The following LEKR1 variants were observed in gnomAD, a reference collection of about 807,000 sequenced individuals.
LEKR1 encodes the protein leucine, glutamate and lysine rich 1.
Under a neutral mutation model 72.4 loss-of-function variants are expected in LEKR1, and 59 were observed. The ratio of observed to expected loss-of-function variants is 0.82; its 90% CI spans 0.66 to 1.01. LEKR1 has a LOEUF of 1.01. Among genes scored for constraint, LEKR1 ranks in the 50% least tolerant of loss-of-function variants. The pLI is 0.00. For missense variants in LEKR1, 728 were observed against 759.2 expected (o/e 0.96, Z 0.48); for synonymous variants, 257 against 263.2 (o/e 0.98, Z 0.23).
At chr3:156,879,920 AG>A (rs776006900) in intron 3 of LEKR1, among the ~76,000 whole-genome samples, 17 of 152,362 alleles carry the variant, frequency 1.1e-4, no homozygotes, top group Admixed American at 8.5e-4. Flanking sequence ...TAGATTTCAG[AG>A]GATGTATAGA....
At chr3:156,924,476 T>C in intron 4 of LEKR1, 1 of 653,558 alleles carries the variant, frequency 1.5e-6, no homozygotes. Flanking sequence ...TAATGAAATA[T>C]AATTTATCTG....
chr3:156,864,047 A>G (rs775122040), intron 3 of LEKR1, among the ~76,000 whole-genome samples: 6 of 152,172 alleles, frequency 3.9e-5, no homozygotes, highest in African/African-American at 7.2e-5. Flanking sequence ...ATGTAGTGAG[A>G]TGGAAAATTA....
intron 12 of LEKR1, among the ~76,000 whole-genome samples, chr3:157,042,584 G>C (rs1167819494): frequency 4.6e-5 from 7 of 152,188 alleles, no homozygotes; most frequent in Admixed American, 4.6e-4. Context: ...TCACTTGCCT[G>C]AAATAGCTTT....
rs190477857 is a variant in LEKR1 at position 156,893,083 on chromosome 3, G to T, written c.264-27492G>T. Among the ~76,000 whole-genome samples the T allele has an allele frequency of 3.5e-4, 54 of 152,332 alleles. 1 individual carries two copies. The South Asian group carries it at 4.6e-3, about 13-fold the overall frequency. Reference sequence around the variant, plus strand: ...CTGGAATTCTGATTATGCCTTGGCTGTCAAGGGAGGCTTCAGGTTCTGTAT... The same window carrying T: ...CTGGAATTCTGATTATGCCTTGGCTTTCAAGGGAGGCTTCAGGTTCTGTAT... On this transcript the variant is annotated intron_variant, in intron 3 of 12. Coordinates refer to ENST00000356539, the MANE Select transcript of LEKR1 (RefSeq NM_001004316.3).
At chr3:156,867,060 T>C (rs1209646316) in intron 3 of LEKR1, among the ~76,000 whole-genome samples, 1 of 152,076 alleles carries the variant, frequency 6.6e-6, no homozygotes, top group Non-Finnish European at 1.5e-5. Context: ...ACATAAACAT[T>C]TGGGTCAATA....
At chr3:156,928,959 A>C (rs900418674) in intron 5 of LEKR1, among the ~76,000 whole-genome samples, 4 of 152,112 alleles carry the variant, frequency 2.6e-5, no homozygotes, top group African/African-American at 4.8e-5. Flanking sequence ...AATTACTCAT[A>C]TCCAAAAGAA....
At chr3:156,993,307 C>T (rs370022183) in intron 9 of LEKR1, 30 bp downstream of exon 9, 25 of 1,432,942 alleles carry the variant, frequency 1.7e-5, no homozygotes, top group South Asian at 1.7e-4. Context: ...CTTACAAAAA[C>T]ATTTTATGTT....
At chr3:157,026,199 T>C (rs1334986403) in intron 11 of LEKR1, among the ~76,000 whole-genome samples, 2 of 152,164 alleles carry the variant, frequency 1.3e-5, no homozygotes, top group Non-Finnish European at 2.9e-5. Context: ...ACCTCTTGCT[T>C]CCTGGCTCCT....
intron 9 of LEKR1, among the ~76,000 whole-genome samples, chr3:156,999,096 G>A (rs1731816350): frequency 6.6e-6 from 1 of 152,152 alleles, no homozygotes; most frequent in Non-Finnish European, 1.5e-5. Context: ...GCCCTGTGAA[G>A]AAGGTGTCTG....
chr3:156,952,196 G>C (rs747976312), intron 6 of LEKR1, among the ~76,000 whole-genome samples: 1 of 151,294 alleles, frequency 6.6e-6, no homozygotes, highest in Non-Finnish European at 1.5e-5. Flanking sequence ...TTTTCCTCTC[G>C]ACCTGGAATA....
intron 7 of LEKR1, among the ~76,000 whole-genome samples, chr3:156,980,506 C>T (rs937129913): frequency 3.3e-5 from 5 of 151,984 alleles, no homozygotes; most frequent in African/African-American, 7.2e-5. Flanking sequence ...CCCCTAGGCC[C>T]AGGAAGTAAC....
intron 12 of LEKR1, among the ~76,000 whole-genome samples, chr3:157,039,678 C>G (rs977772701): frequency 1.3e-5 from 2 of 152,114 alleles, no homozygotes; most frequent in African/African-American, 4.8e-5. Flanking sequence ...CATGTAAACT[C>G]TAAGATTAAA....
intron 6 of LEKR1, among the ~76,000 whole-genome samples, chr3:156,954,851 T>C (rs1277328080): frequency 1.3e-5 from 2 of 152,020 alleles, no homozygotes; most frequent in South Asian, 2.1e-4. Context: ...CTCTTTTAGG[T>C]TCCATATGAA....
chr3:157,013,609 G>T (rs1334142337), intron 10 of LEKR1, among the ~76,000 whole-genome samples: 1 of 151,998 alleles, frequency 6.6e-6, no homozygotes, highest in Non-Finnish European at 1.5e-5. Context: ...TTCGTTGAAA[G>T]GGCACGACTT....
chr3:157,043,607 A>C (rs1735529447), intron 12 of LEKR1, among the ~76,000 whole-genome samples: 4 of 152,246 alleles, frequency 2.6e-5, no homozygotes, highest in Admixed American at 2.6e-4. Flanking sequence ...AGCAAGTTAC[A>C]TAACAGTGTG....
intron 9 of LEKR1, 22 bp downstream of exon 9, chr3:156,993,299 T>C: frequency 6.8e-7 from 1 of 1,480,364 alleles, no homozygotes; most frequent in Non-Finnish European, 9.2e-7. Context: ...AATAATTTCT[T>C]ACAAAAACAT....
chr3:156,851,747 G>A (rs1470619194), intron 2 of LEKR1, among the ~76,000 whole-genome samples: 1 of 151,894 alleles, frequency 6.6e-6, no homozygotes, highest in African/African-American at 2.4e-5. Flanking sequence ...ATTACTATTA[G>A]TTACAGCAAC....
chr3:156,982,627 C>T (rs7635876), intron 7 of LEKR1, among the ~76,000 whole-genome samples: 23,019 of 151,926 alleles, frequency 0.15, 2,033 homozygotes, highest in African/African-American at 0.25. Flanking sequence ...TAACCAGTAG[C>T]GTTTGCTAAA....
At chr3:156,843,546 G>C (rs1014683465) in intron 2 of LEKR1, among the ~76,000 whole-genome samples, 2 of 152,132 alleles carry the variant, frequency 1.3e-5, no homozygotes, top group Non-Finnish European at 2.9e-5. Context: ...AGAGCGCACT[G>C]TTCTCTCAGG....
Sources: allele counts gnomAD v4.1 joint callset (sites outside exome capture counted in the v4.1 genomes callset), GRCh38; gene constraint gnomAD v4.1.1; transcripts MANE v1.5; gene names NCBI Gene and HGNC (gene_info 2026-07-23, HGNC 2026-07-21).